The following ISL1 variants were observed in gnomAD, a reference collection of about 807,000 sequenced individuals.
ISL1 encodes ISL LIM homeobox 1.
ISL1 carries 4 observed loss-of-function variants against 35.3 expected under a neutral mutation model. The ratio of observed to expected loss-of-function variants is 0.11; its 90% CI spans 0.06 to 0.26. The LOEUF is 0.26. Ranked by LOEUF, ISL1 falls within the 10% of genes least tolerant of loss-of-function variation. The pLI is 1.00. For missense variants in ISL1, 340 were observed against 472.8 expected, an observed-to-expected ratio of 0.72 and a Z score of 2.60; for synonymous variants, 186 against 172.3, an observed-to-expected ratio of 1.08 and a Z score of -0.62.
Position 51,383,637 on chromosome 5 carries a change from C to T in ISL1, c.-35C>T, listed in dbSNP as rs375345896. 3.2e-6 allele frequency: 5 copies of T among 1,578,522 alleles called. No individual in the cohort carries two copies. Among genetic ancestry groups the T allele is most frequent in the Non-Finnish European group, 4.4e-6 (5 of 1,147,480 alleles). ...GGGCTGTTCACCAACTGTACAACCA[C>T]CATTTCACTGTGGACATTACTCCCT... On this transcript the variant is annotated 5_prime_UTR_variant, in exon 1 of 6. Transcript: ENST00000230658.
Position 51,384,659 on chromosome 5 carries a change from T to A in ISL1, c.147T>A (p.Asn49Lys), listed in dbSNP as rs1747300568. The change falls in exon 2 of 6, where the codon AAT becomes AAA. Residue 49 changes from asparagine (N) to lysine (K), a missense_variant. This residue lies in a region of ISL1 where 70 missense variants were observed against 130.3 expected (regional missense o/e 0.54). Transcript: ENST00000230658. ...HAACLKCAEC[N>K]QYLDESCTCF... ...CATGTTTGAAATGTGCGGAGTGTAA[T>A]CAGTATTTGGACGAGAGCTGTACAT... The A allele has an allele frequency of 6.2e-7, 1 of 1,614,032 alleles. No homozygotes were observed. The highest frequency in any genetic ancestry group is 1.1e-5 in the South Asian group (1 of 91,094).
In ISL1 at chr5:51,387,530, A is replaced by G; in HGVS notation, c.259A>G (p.Ser87Gly). Residue 87 changes from serine (S) to glycine (G), a missense_variant, in exon 3 of 6, where the codon AGC (serine) becomes GGC (glycine). Coordinates refer to ENST00000230658, the MANE Select transcript of ISL1 (RefSeq NM_002202.3). The surrounding 1 kb of genome is among the most constrained non-coding windows in gnomAD (Gnocchi z 4.3). Reference protein sequence around the residue: ...IKCAKCSIGFSKNDFVMRARS... With the variant: ...IKCAKCSIGFGKNDFVMRARS... ...ATGCGCCAAGTGCAGCATCGGCTTC[A>G]GCAAGAACGACTTCGTGATGCGTGC... The G allele has an allele frequency of 6.2e-7, 1 of 1,614,206 alleles. No individual in the cohort carries two copies. Among genetic ancestry groups the G allele is most frequent in the Non-Finnish European group, 8.5e-7 (1 of 1,180,038 alleles).
At chr5:51,390,829 G>C (rs531380420) in intron 4 of ISL1, among the ~76,000 whole-genome samples, 13 of 151,202 alleles carry the variant, frequency 8.6e-5, no homozygotes, top group Admixed American at 2.6e-4. Context: ...GGGATGGAGT[G>C]GGGGGCTGGC....
chr5:51,394,535 T>TGTGG lies in ISL1; in HGVS notation c.*925_*926insGTGG, dbSNP rs1747593020. ...TTATTGTCGGAAGACTTGCCACTTT[T>TGTGG]CATGTCATTTGACATTTTTTGTTTG... is the stretch of plus-strand genomic sequence containing the variant. On this transcript the variant is annotated 3_prime_UTR_variant, in exon 6 of 6. Coordinates refer to ENST00000230658, the MANE Select transcript of ISL1 (RefSeq NM_002202.3). 1 of 152,596 alleles carries TGTGG rather than the reference T, an allele frequency of 6.6e-6. No individual in the cohort carries two copies. Among genetic ancestry groups the TGTGG allele is most frequent in the African/African-American group, 2.4e-5 (1 of 41,440 alleles). 9.5% of individuals were successfully genotyped at this position (152,596 alleles called of 1,614,324 possible). A position where few individuals can be genotyped will look rare whatever the true frequency, so the allele number is the denominator to read the frequency against.
At position 51,391,325 on chromosome 5, in the gene ISL1, C is replaced by T. The variant is rs778589810; in HGVS notation, c.817C>T (p.His273Tyr). The change falls in exon 5 of 6, where the codon CAC (histidine) becomes TAC (tyrosine). Residue 273 changes from histidine (H) to tyrosine (Y), a missense_variant. By Grantham distance (83) the His-to-Tyr change is moderately conservative. Transcript: ENST00000230658. ...TPMVAASPER[H>Y]DGGLQANPVE... is the part of the protein sequence containing the mutation. Reference sequence around the variant, plus strand: ...CATGGTGGCTGCCAGTCCAGAGAGACACGACGGTGGCTTACAGGCTAACCC... The same window carrying T: ...CATGGTGGCTGCCAGTCCAGAGAGATACGACGGTGGCTTACAGGCTAACCC... 5 of 1,613,744 alleles carry T rather than the reference C, an allele frequency of 3.1e-6. 1 individual carries two copies. The South Asian group carries it at 3.3e-5, about 11-fold the overall frequency.
Position 51,387,424 on chromosome 5 carries a change from T to A in ISL1, c.219-66T>A. ...GGGCCAGGGAAGTGCCGGCCTGAAG[T>A]GACCCCCTCTTCCTGTACTTCTCTC... On this transcript the variant is annotated intron_variant, in intron 2 of 5. Coordinates refer to ENST00000230658, the MANE Select transcript of ISL1 (RefSeq NM_002202.3). The surrounding 1 kb of genome is among the most constrained non-coding windows in gnomAD (Gnocchi z 4.3). The A allele has an allele frequency of 6.4e-7, 1 of 1,566,636 alleles. No individual in the cohort carries two copies. The highest frequency in any genetic ancestry group is 8.7e-7 in the Non-Finnish European group (1 of 1,145,446).
chr5:51,386,339 C>A (rs3828580), intron 2 of ISL1: 23,805 of 292,224 alleles, frequency 0.081, 1,226 homozygotes, highest in Non-Finnish European at 0.097. Flanking sequence ...GTAGAAGGAA[C>A]TAATCATTTT....
Position 51,394,512 on chromosome 5 carries a change from A to G in ISL1, c.*902A>G, listed in dbSNP as rs1172089953. The G allele has an allele frequency of 6.6e-6, 1 of 151,450 alleles. No homozygotes were observed. The highest frequency in any genetic ancestry group is 1.5e-5 in the Non-Finnish European group (1 of 67,768). 9.4% of individuals were successfully genotyped at this position (151,450 alleles called of 1,614,324 possible). On this transcript the variant is annotated 3_prime_UTR_variant, in exon 6 of 6. Transcript: ENST00000230658. The stretch of plus-strand genomic sequence containing the variant: ...AAAATTATAAAGTAATTTATTATTT[A>G]TTGTCGGAAGACTTGCCACTTTTCA...
Position 51,387,593 on chromosome 5 carries a change from G to T in ISL1, c.322G>T (p.Val108Leu). 6.2e-7 allele frequency: 1 copy of T among 1,614,236 alleles called. No homozygotes were observed. Among genetic ancestry groups the T allele is most frequent in the Non-Finnish European group, 8.5e-7 (1 of 1,180,052 alleles). ...GTATCACATCGAGTGTTTCCGCTGTGTGGCCTGCAGCCGCCAGCTCATCCC... is the reference window on the plus strand; with the variant it reads ...GTATCACATCGAGTGTTTCCGCTGTTTGGCCTGCAGCCGCCAGCTCATCCC... ...KVYHIECFRC[V>L]ACSRQLIPGD... Residue 108 changes from valine (V) to leucine (L), a missense_variant, in exon 3 of 6, where the codon GTG becomes TTG. By Grantham distance (32) the Val-to-Leu change is conservative. Coordinates refer to ENST00000230658, the MANE Select transcript of ISL1 (RefSeq NM_002202.3). The surrounding 1 kb of genome is among the most constrained non-coding windows in gnomAD (Gnocchi z 4.3).
rs763811499 is a variant in ISL1, at chr5:51,393,507, A to G, written c.947A>G (p.Glu316Gly). ...CCTTCTATGCAGGTCAATTTTTCAG[A>G]AGGAGGACCGGGCTCTAATTCCACT... is the stretch of plus-strand genomic sequence containing the variant. Reference protein sequence around the residue: ...PAFQQLVNFSEGGPGSNSTGS... With the variant: ...PAFQQLVNFSGGGPGSNSTGS... Residue 316 changes from glutamate to glycine, a missense_variant, in exon 6 of 6, where the codon GAA (glutamate) becomes GGA (glycine). Coordinates refer to ENST00000230658, the MANE Select transcript of ISL1 (RefSeq NM_002202.3). The G allele has an allele frequency of 6.2e-7, 1 of 1,611,658 alleles. No homozygotes were observed. Among genetic ancestry groups the G allele is most frequent in the East Asian group, 2.2e-5 (1 of 44,868 alleles).
rs1580731582 is a variant in ISL1, at chr5:51,393,918, T to C, written c.*308T>C. The C allele has an allele frequency of 2.6e-6, 1 of 379,142 alleles. No individual in the cohort carries two copies. Among genetic ancestry groups the C allele is most frequent in the African/African-American group, 2.1e-5 (1 of 48,422 alleles). The allele number at this position is 379,142 out of a possible 1,614,324, so 23.5% of individuals were successfully genotyped here. A position where few individuals can be genotyped will look rare whatever the true frequency, so the allele number is the denominator to read the frequency against. ...AACGTAGAGGATTTATATTCAAGGA[T>C]CTCAAAGAAAGCATTTTCATTTCAC... On this transcript the variant is annotated 3_prime_UTR_variant, in exon 6 of 6. Transcript: ENST00000230658.
chr5:51,392,909 A>G (rs1172005775), intron 5 of ISL1, among the ~76,000 whole-genome samples: 1 of 152,152 alleles, frequency 6.6e-6, no homozygotes, highest in African/African-American at 2.4e-5. Flanking sequence ...GTCATAATAT[A>G]TGGGTCTCAT....
intron 5 of ISL1, among the ~76,000 whole-genome samples, chr5:51,392,285 A>G (rs1353700135): frequency 3.9e-5 from 6 of 152,242 alleles, no homozygotes; most frequent in Non-Finnish European, 5.9e-5. Context: ...GTCCTTTGTA[A>G]TATGCTATAT....
intron 5 of ISL1, among the ~76,000 whole-genome samples, chr5:51,392,109 G>GTCTCTA (rs1334027714): frequency 6.6e-6 from 1 of 152,168 alleles, no homozygotes; most frequent in Non-Finnish European, 1.5e-5. Flanking sequence ...GACACACAGT[G>GTCTCTA]TGTACCATGT....
Position 51,389,544 on chromosome 5 carries a change from G to A in ISL1, c.479-102G>A. ...TCTCGGGCGGGCGAGCAAGTAAGCGGGCGGGCGGGCGGGCAAGCGAGCGAG... is the reference window on the plus strand; with the variant it reads ...TCTCGGGCGGGCGAGCAAGTAAGCGAGCGGGCGGGCGGGCAAGCGAGCGAG... On this transcript the variant is annotated intron_variant, in intron 3 of 5. Transcript: ENST00000230658. This position sits in a 1 kb window ranked among gnomAD's most constrained non-coding sequence, Gnocchi z 5.0. The A allele has an allele frequency of 9.7e-7, 1 of 1,032,166 alleles. No individual in the cohort carries two copies. The highest frequency in any genetic ancestry group is 1.3e-6 in the Non-Finnish European group (1 of 777,600). The allele number at this position is 1,032,166 out of a possible 1,614,324, so 63.9% of individuals were successfully genotyped here. A position where few individuals can be genotyped will look rare whatever the true frequency, so the allele number is the denominator to read the frequency against.
At position 51,389,641 on chromosome 5, in the gene ISL1, C is replaced by T. The variant is rs778501517; in HGVS notation, c.479-5C>T. ...CCAGCGCTCACGGCGCTCCTTGCCC[C>T]GCAGCGGAGCCCATCTCCGCCAGGC... On this transcript the variant is annotated splice_polypyrimidine_tract_variant and splice_region_variant and intron_variant, in intron 3 of 5. Coordinates refer to ENST00000230658, the MANE Select transcript of ISL1 (RefSeq NM_002202.3). The surrounding 1 kb of genome is among the most constrained non-coding windows in gnomAD (Gnocchi z 5.0). 26 of 1,606,050 alleles carry T rather than the reference C, an allele frequency of 1.6e-5. No individual in the cohort carries two copies. Among genetic ancestry groups the T allele is most frequent in the East Asian group, 4.5e-5 (2 of 44,776 alleles).
rs57707586 is a variant in ISL1 at position 51,390,642 on chromosome 5, C to CTTTTTTTT, written c.766-601_766-594dup. 3.3e-3 allele frequency among the ~76,000 whole-genome samples: 131 copies of CTTTTTTTT among 40,016 alleles called. 4 individuals carry two copies. The highest frequency in any genetic ancestry group is 3.9e-3 in the Non-Finnish European group (82 of 21,152). 26.3% of individuals were successfully genotyped at this position (40,016 alleles called of 152,430 possible). A position where few individuals can be genotyped will look rare whatever the true frequency, so the allele number is the denominator to read the frequency against. ...TCCTTTTTTTCTTTTCTTTCTTTTTCTTTTTTTTTTTTTTTTTTTTTTTTT... is the reference window on the plus strand; with the variant it reads ...TCCTTTTTTTCTTTTCTTTCTTTTTCTTTTTTTTTTTTTTTTTTTTTTTTTTTTTTTTT... On this transcript the variant is annotated intron_variant, in intron 4 of 5. Coordinates refer to ENST00000230658, the MANE Select transcript of ISL1 (RefSeq NM_002202.3).
rs374493957 is a variant in ISL1, at chr5:51,387,729, C to T, written c.458C>T (p.Ala153Val). The T allele has an allele frequency of 3.7e-6, 6 of 1,614,068 alleles. No individual in the cohort carries two copies. The highest frequency in any genetic ancestry group is 4.2e-6 in the Non-Finnish European group (5 of 1,180,046). The change falls in exon 3 of 6, where the codon GCG (alanine) becomes GTG (valine). Residue 153 changes from alanine to valine, a missense_variant. Transcript: ENST00000230658. This position sits in a 1 kb window ranked among gnomAD's most constrained non-coding sequence, Gnocchi z 4.3. ...GACCCGCTCAGTCCCCTGCATCCAG[C>T]GCGGCCACTGCAAATGGCAGGTACT... ...AGDPLSPLHP[A>V]RPLQMAAEPI...
Position 51,389,774 on chromosome 5 carries a change from A to C in ISL1, c.607A>C (p.Asn203His), listed in dbSNP as rs1378297346. Residue 203 changes from asparagine (N) to histidine (H), a missense_variant, in exon 4 of 6, where the codon AAC (asparagine) becomes CAC (histidine). By Grantham distance (68) the Asn-to-His change is moderately conservative. Transcript: ENST00000230658. The surrounding 1 kb of genome is among the most constrained non-coding windows in gnomAD (Gnocchi z 5.0). ...CACCTTGCGGACCTGCTACGCCGCA[A>C]ACCCGCGGCCAGATGCGCTCATGAA... ...LHTLRTCYAA[N>H]PRPDALMKEQ... The C allele has an allele frequency of 1.2e-6, 2 of 1,614,074 alleles. No individual in the cohort carries two copies. Among genetic ancestry groups the C allele is most frequent in the Non-Finnish European group, 1.7e-6 (2 of 1,180,034 alleles).
Sources: gnomAD v4.1 joint callset for allele counts (sites outside exome capture counted in the v4.1 genomes callset) on GRCh38, gnomAD v4.1.1 for gene constraint, gnomAD v4.1.1 regional missense constraint, Gnocchi (gnomAD v3.1) non-coding constraint, MANE v1.5 for transcripts, NCBI Gene and HGNC (gene_info 2026-07-23, HGNC 2026-07-21) for gene names.